Variants in TINF2 observed in about 807,000 individuals in gnomAD.
TINF2 encodes TERF1 interacting nuclear factor 2, also known as TERF1-interacting nuclear factor 2.
Under a neutral mutation model 50.4 loss-of-function variants are expected in TINF2, and 27 were observed. That is an observed-to-expected ratio of 0.54 (90% CI 0.40 to 0.74). The LOEUF (loss-of-function observed/expected upper bound fraction) is 0.74. TINF2 is among the 30% of genes least tolerant of loss of function. The pLI is 0.00. For missense variants in TINF2, 496 were observed against 551.5 expected, an observed-to-expected ratio of 0.90 and a Z score of 1.01; for synonymous variants, 223 against 214.6, an observed-to-expected ratio of 1.04 and a Z score of -0.34.
At chr14:24,241,337 A>T in intron 3 of TINF2, 26 bp from the exon 4 acceptor site, 2 of 1,611,560 alleles carry the variant, frequency 1.2e-6, no homozygotes, top group East Asian at 2.2e-5. Context: ...TTAGGTCAAA[A>T]GTGGGTTAGT....
In TINF2 at chr14:24,242,457, G is replaced by C; in HGVS notation, c.-125C>G. On this transcript the variant is annotated 5_prime_UTR_variant, in exon 1 of 9. Transcript: ENST00000267415. ...TGTCGCTCCGGTCTGTCGGCTCTGG[G>C]TACCTCGCGATCTGACTCGGCTCCC... 1 of 1,447,128 alleles carries C rather than the reference G, an allele frequency of 6.9e-7. No individual in the cohort carries two copies. The highest frequency in any genetic ancestry group is 9.0e-7 in the Non-Finnish European group (1 of 1,107,378). The allele number at this position is 1,447,128 out of a possible 1,614,324, so 89.6% of individuals were successfully genotyped here.
At position 24,241,934 on chromosome 14, in the gene TINF2, G is replaced by A; in HGVS notation, c.253C>T (p.His85Tyr). Residue 85 changes from histidine to tyrosine, a missense_variant, in exon 2 of 9, where the codon CAC (histidine) becomes TAC (tyrosine). His to Tyr is a moderately conservative substitution (Grantham distance 83). Around this residue, in one of 3 missense-constraint regions of TINF2, gnomAD observed 314 missense variants for 343.8 expected, o/e 0.91. Transcript: ENST00000267415. ...ATAGGTCCAGATTCTGGAAAGTGGTGATTCAGGGCTTTCAGGACTTGGGCC... is the reference window on the plus strand; with the variant it reads ...ATAGGTCCAGATTCTGGAAAGTGGTAATTCAGGGCTTTCAGGACTTGGGCC... ...PWAQVLKALNHHFPESGPIVR... is the reference protein window; with the variant it reads ...PWAQVLKALNYHFPESGPIVR... 6.2e-7 allele frequency: 1 copy of A among 1,614,198 alleles called. No individual in the cohort carries two copies. The highest frequency in any genetic ancestry group is 8.5e-7 in the Non-Finnish European group (1 of 1,180,036).
Position 24,242,448 on chromosome 14 carries a change from C to T in TINF2, c.-116G>A, listed in dbSNP as rs1225711670. 5.5e-6 allele frequency: 8 copies of T among 1,456,600 alleles called. No individual in the cohort carries two copies. Among genetic ancestry groups the T allele is most frequent in the African/African-American group, 1.4e-5 (1 of 69,916 alleles). 90.2% of individuals were successfully genotyped at this position (1,456,600 alleles called of 1,614,324 possible). A position where few individuals can be genotyped will look rare whatever the true frequency, so the allele number is the denominator to read the frequency against. On this transcript the variant is annotated 5_prime_UTR_variant, in exon 1 of 9. Transcript: ENST00000267415. Reference sequence around the variant, plus strand: ...GCAACTCCCTGTCGCTCCGGTCTGTCGGCTCTGGGTACCTCGCGATCTGAC... The same window carrying T: ...GCAACTCCCTGTCGCTCCGGTCTGTTGGCTCTGGGTACCTCGCGATCTGAC...
At chr14:24,240,383 T>C in intron 6 of TINF2, 36 bp downstream of exon 6, 3 of 1,614,086 alleles carry the variant, frequency 1.9e-6, no homozygotes, top group South Asian at 2.2e-5. Context: ...AGGCAAAGAA[T>C]GTGCTCCTAG....
chr14:24,240,878 G>A lies in TINF2; in HGVS notation c.605-3C>T. On this transcript the variant is annotated splice_polypyrimidine_tract_variant and splice_region_variant and intron_variant, in intron 5 of 8. Transcript: ENST00000267415. ...CACTGAGTCAGTAACAGAGCACTCT[G>A]AAAAAGAAAATGAGGCCCCTTATAA... 6.2e-7 allele frequency: 1 copy of A among 1,614,048 alleles called. No homozygotes were observed. Among genetic ancestry groups the A allele is most frequent in the Non-Finnish European group, 8.5e-7 (1 of 1,180,038 alleles).
At chr14:24,241,147 C>T (rs1393432416) in intron 4 of TINF2, 31 bp from the exon 5 acceptor site, 2 of 1,614,186 alleles carry the variant, frequency 1.2e-6, no homozygotes, top group South Asian at 1.1e-5. Context: ...ATGAAGACCA[C>T]AATCCTTGAA....
rs751450681 is a variant in TINF2, at chr14:24,240,399, A to AG, written c.1061+19dup. On this transcript the variant is annotated intron_variant, in intron 6 of 8. Coordinates refer to ENST00000267415, the MANE Select transcript of TINF2 (RefSeq NM_001099274.3). Reference sequence around the variant, plus strand: ...GGCAAAGAATGTGCTCCTAGTAAGAAGCAACTCTGTTCCACTCACTCCTTT... The same window carrying AG: ...GGCAAAGAATGTGCTCCTAGTAAGAAGGCAACTCTGTTCCACTCACTCCTTT... 7.4e-6 allele frequency: 12 copies of AG among 1,614,140 alleles called. No homozygotes were observed. Among genetic ancestry groups the AG allele is most frequent in the Non-Finnish European group, 1.0e-5 (12 of 1,180,026 alleles).
chr14:24,239,971 C>A (rs2040531865), intron 8 of TINF2, 40 bp from the exon 9 acceptor site: 2 of 1,614,178 alleles, frequency 1.2e-6, no homozygotes, highest in African/African-American at 1.3e-5. Flanking sequence ...TATCCGAAAC[C>A]ATTCCCTGAA....
In TINF2 at chr14:24,239,890, C is replaced by G. The variant is rs199629213; in HGVS notation, c.1263G>C (p.Leu421Phe). Residue 421 changes from leucine to phenylalanine, a missense_variant, in exon 9 of 9, where the codon TTG becomes TTC. Coordinates refer to ENST00000267415, the MANE Select transcript of TINF2 (RefSeq NM_001099274.3). Reference sequence around the variant, plus strand: ...GTAGGTATTCACAGAGAGTGGGTATCAAGGTGTCAAACTTTGTCTTCTGAT... The same window carrying G: ...GTAGGTATTCACAGAGAGTGGGTATGAAGGTGTCAAACTTTGTCTTCTGAT... The part of the protein sequence containing the change: ...ENYQKTKFDT[L>F]IPTLCEYLPP... 2 of 1,614,172 alleles carry G rather than the reference C, an allele frequency of 1.2e-6. No individual in the cohort carries two copies. Among genetic ancestry groups the G allele is most frequent in the African/African-American group, 1.3e-5 (1 of 75,034 alleles).
rs1351459994 is a variant in TINF2, at chr14:24,241,070, G to A, written c.554C>T (p.Ser185Phe). 4 of 1,614,166 alleles carry A rather than the reference G, an allele frequency of 2.5e-6. No homozygotes were observed. In the South Asian group the frequency reaches 3.3e-5, roughly 13 times the overall value. ...SWMQPGVSIT[S>F]SLAWRQYGVD... ...ACCATATTGTCTCCAGGCAAGAGAA[G>A]AGGTGATAGAGACTCCAGGCTGCAT... Residue 185 changes from serine (S) to phenylalanine (F), a missense_variant, in exon 5 of 9, where the codon TCT becomes TTT. Physicochemically the swap from Ser to Phe is radical, Grantham distance 155 (BLOSUM62 -2). Around this residue, in one of 3 missense-constraint regions of TINF2, gnomAD observed 314 missense variants for 343.8 expected, o/e 0.91. Coordinates refer to ENST00000267415, the MANE Select transcript of TINF2 (RefSeq NM_001099274.3).
At position 24,241,449 on chromosome 14, in the gene TINF2, G is replaced by A. The variant is rs1413660333; in HGVS notation, c.400-138C>T. On this transcript the variant is annotated intron_variant, in intron 3 of 8. Transcript: ENST00000267415. Reference sequence around the variant, plus strand: ...GTTCGAGACCAGCCTGGCCAACATGGTGAAACCCCATCTCTACTAAAATAC... The same window carrying A: ...GTTCGAGACCAGCCTGGCCAACATGATGAAACCCCATCTCTACTAAAATAC... 6.7e-6 allele frequency: 6 copies of A among 889,706 alleles called. No homozygotes were observed. In the African/African-American group the frequency reaches 8.3e-5, roughly 12 times the overall value. The allele number at this position is 889,706 out of a possible 1,614,324, so 55.1% of individuals were successfully genotyped here. A position where few individuals can be genotyped will look rare whatever the true frequency, so the allele number is the denominator to read the frequency against.
At chr14:24,240,227 G>C in intron 7 of TINF2, 36 bp downstream of exon 7, 1 of 1,614,062 alleles carries the variant, frequency 6.2e-7, no homozygotes, top group Non-Finnish European at 8.5e-7. Flanking sequence ...CCCAAGAGAG[G>C]AGGCTGTTGA....
Position 24,241,076 on chromosome 14 carries a change from A to T in TINF2, c.548T>A (p.Ile183Asn). The T allele has an allele frequency of 6.2e-7, 1 of 1,614,156 alleles. No homozygotes were observed. The highest frequency in any genetic ancestry group is 1.1e-5 in the South Asian group (1 of 91,078). ...TTGTCTCCAGGCAAGAGAAGAGGTG[A>T]TAGAGACTCCAGGCTGCATCCAACT... Reference protein sequence around the residue: ...VLSWMQPGVSITSSLAWRQYG... With the variant: ...VLSWMQPGVSNTSSLAWRQYG... The change falls in exon 5 of 9, where the codon ATC becomes AAC. Residue 183 changes from isoleucine (I) to asparagine (N), a missense_variant. By Grantham distance (149) the Ile-to-Asn change is moderately radical. Coordinates refer to ENST00000267415, the MANE Select transcript of TINF2 (RefSeq NM_001099274.3).
At position 24,239,725 on chromosome 14, in the gene TINF2, C is replaced by G; in HGVS notation, c.*72G>C. ...TAGGCAATCCAAGCCTGGACTTCCACTTCATTCCTACTAAACTACTTGCAG... is the reference window on the plus strand; with the variant it reads ...TAGGCAATCCAAGCCTGGACTTCCAGTTCATTCCTACTAAACTACTTGCAG... On this transcript the variant is annotated 3_prime_UTR_variant, in exon 9 of 9. Transcript: ENST00000267415. The G allele has an allele frequency of 1.2e-6, 2 of 1,613,662 alleles. No individual in the cohort carries two copies. The highest frequency in any genetic ancestry group is 8.5e-7 in the Non-Finnish European group (1 of 1,179,922).
At position 24,240,049 on chromosome 14, in the gene TINF2, C is replaced by T; in HGVS notation, c.1221+15G>A. The T allele has an allele frequency of 6.2e-7, 1 of 1,614,180 alleles. No individual in the cohort carries two copies. Among genetic ancestry groups the T allele is most frequent in the Non-Finnish European group, 8.5e-7 (1 of 1,180,032 alleles). On this transcript the variant is annotated intron_variant, in intron 8 of 8. Transcript: ENST00000267415. The stretch of plus-strand genomic sequence containing the variant: ...ACCCATCCCCTTTCCCAGCTTTCTG[C>T]TCCTTCCCACTCACCTTTCCTTCCC...
chr14:24,241,345 A>G, intron 3 of TINF2, 34 bp from the exon 4 acceptor site: 1 of 1,608,216 alleles, frequency 6.2e-7, no homozygotes, highest in African/African-American at 1.3e-5. Flanking sequence ...AAAGTGGGTT[A>G]GTGGCCAGGC....
At chr14:24,241,821 T>C in intron 2 of TINF2, 45 bp from the exon 3 acceptor site, 13 of 1,612,984 alleles carry the variant, frequency 8.1e-6, no homozygotes, top group East Asian at 2.2e-5. Flanking sequence ...CAACATCCAG[T>C]AGACAGGAGG....
Position 24,241,879 on chromosome 14 carries a change from G to A in TINF2, c.297+11C>T. 1 of 1,614,180 alleles carries A rather than the reference G, an allele frequency of 6.2e-7. No individual in the cohort carries two copies. The highest frequency in any genetic ancestry group is 8.5e-7 in the Non-Finnish European group (1 of 1,180,006). ...TAACTGGGGTCAGGGCTTGTTCCGG[G>A]GATTACTCACAGCCTTGGGATCCCG... On this transcript the variant is annotated intron_variant, in intron 2 of 8. Coordinates refer to ENST00000267415, the MANE Select transcript of TINF2 (RefSeq NM_001099274.3).
chr14:24,241,150 TC>T (rs2040570669), intron 4 of TINF2, 34 bp from the exon 5 acceptor site: 7 of 1,613,894 alleles, frequency 4.3e-6, no homozygotes, highest in Non-Finnish European at 5.9e-6. Flanking sequence ...AAGACCACAA[TC>T]CTTGAAACAG....
Sources: allele counts gnomAD v4.1 joint callset, GRCh38; gene constraint gnomAD v4.1.1; regional missense constraint gnomAD v4.1.1; transcripts MANE v1.5; gene names NCBI Gene and HGNC (gene_info 2026-07-23, HGNC 2026-07-21).